The following SELENOF variants were observed in gnomAD, a reference collection of about 807,000 sequenced individuals.
The protein encoded by SELENOF is 15 kDa selenoprotein.
In SELENOF, 16 loss-of-function variants were observed where a neutral mutation model predicts 20.5. That is an observed-to-expected ratio of 0.78 (90% CI 0.53 to 1.19). SELENOF has a LOEUF of 1.19. Ranked by LOEUF, SELENOF falls within the 50% of genes most tolerant of loss-of-function variation. The probability of loss-of-function intolerance (pLI) is 0.00; values close to 1 mark genes in which losing one functional copy is unlikely to be tolerated. For synonymous variants in SELENOF, 78 were observed against 74.5 expected, an observed-to-expected ratio of 1.05 and a Z score of -0.24; for missense variants, 215 against 194.2, an observed-to-expected ratio of 1.11 and a Z score of -0.64.
At chr1:86,877,179 T>C (rs913869414) in intron 3 of SELENOF, among the ~76,000 whole-genome samples, 3 of 152,234 alleles carry the variant, frequency 2.0e-5, no homozygotes, top group Non-Finnish European at 4.4e-5. Context: ...TGATTTACTC[T>C]GTTTTTGGTG....
At chr1:86,898,582 T>C (rs1012427254) in intron 2 of SELENOF, among the ~76,000 whole-genome samples, 141 of 79,548 alleles carry the variant, frequency 1.8e-3, no homozygotes, top group African/African-American at 0.012. Flanking sequence ...CTCTTCTTCT[T>C]TTTTTTTTTT....
intron 2 of SELENOF, among the ~76,000 whole-genome samples, chr1:86,900,870 C>G (rs1659685743): frequency 6.6e-6 from 1 of 152,048 alleles, no homozygotes; most frequent in African/African-American, 2.4e-5. Context: ...CACGATGATT[C>G]CACACACACA....
intron 2 of SELENOF, among the ~76,000 whole-genome samples, chr1:86,889,677 C>T (rs748929730): frequency 8.5e-4 from 130 of 152,258 alleles, no homozygotes; most frequent in Non-Finnish European, 1.2e-3. Flanking sequence ...TCTGTTGCTG[C>T]CCCTTCTCCC....
chr1:86,896,330 T>C (rs1186449467), intron 2 of SELENOF, among the ~76,000 whole-genome samples: 2 of 152,054 alleles, frequency 1.3e-5, no homozygotes, highest in Non-Finnish European at 2.9e-5. Context: ...CTGAAATCAT[T>C]ATTAAGAACC....
At chr1:86,909,858 A>G (rs1196110982) in intron 1 of SELENOF, among the ~76,000 whole-genome samples, 1 of 152,154 alleles carries the variant, frequency 6.6e-6, no homozygotes. Context: ...ACAAAAAATT[A>G]GCTGGGCGTG....
At chr1:86,876,100 A>G (rs1359321235) in intron 3 of SELENOF, among the ~76,000 whole-genome samples, 1 of 151,402 alleles carries the variant, frequency 6.6e-6, no homozygotes, top group Non-Finnish European at 1.5e-5. Context: ...GAAGTAAGAA[A>G]AGGGAAAAGA....
intron 4 of SELENOF, among the ~76,000 whole-genome samples, chr1:86,864,093 G>C (rs1170945505): frequency 6.6e-6 from 1 of 152,182 alleles, no homozygotes; most frequent in Admixed American, 6.5e-5. Context: ...TTGAATGGAG[G>C]CAGACAAGTT....
intron 3 of SELENOF, among the ~76,000 whole-genome samples, chr1:86,879,820 T>C (rs1489729112): frequency 1.3e-5 from 2 of 152,200 alleles, no homozygotes; most frequent in African/African-American, 4.8e-5. Context: ...CCAAAGAATA[T>C]ACCTTCACAA....
At position 86,862,478 on chromosome 1, in the gene SELENOF, T is replaced by G. The variant is rs1465503618; in HGVS notation, c.*996A>C. ...AGAAAAATCATTTTTAATATAAAAA[T>G]TCTATATCAAGAGATATTCCTTAAA... On this transcript the variant is annotated 3_prime_UTR_variant, in exon 5 of 5. Transcript: ENST00000331835. 3 of 152,152 alleles carry G rather than the reference T, an allele frequency of 2.0e-5. No individual in the cohort carries two copies. The highest frequency in any genetic ancestry group is 7.2e-5 in the African/African-American group (3 of 41,452). The allele number at this position is 152,152 out of a possible 1,614,324, so 9.4% of individuals were successfully genotyped here. A position where few individuals can be genotyped will look rare whatever the true frequency, so the allele number is the denominator to read the frequency against.
At chr1:86,878,550 C>T (rs554452068) in intron 3 of SELENOF, among the ~76,000 whole-genome samples, 6 of 152,150 alleles carry the variant, frequency 3.9e-5, no homozygotes, top group East Asian at 1.9e-4. Flanking sequence ...GGTGTGGTGG[C>T]GTGCGCCTGT....
At chr1:86,871,531 G>T (rs1231733541) in intron 3 of SELENOF, among the ~76,000 whole-genome samples, 2 of 152,088 alleles carry the variant, frequency 1.3e-5, no homozygotes, top group Non-Finnish European at 2.9e-5. Context: ...TTTTACTGAA[G>T]AAAGTAAACT....
At chr1:86,870,222 A>G (rs760312973) in intron 3 of SELENOF, among the ~76,000 whole-genome samples, 2 of 152,240 alleles carry the variant, frequency 1.3e-5, no homozygotes, top group South Asian at 2.1e-4. Context: ...CAATAGCACT[A>G]TAGATTTGCT....
At chr1:86,876,249 C>T (rs561438169) in intron 3 of SELENOF, among the ~76,000 whole-genome samples, 76 of 152,170 alleles carry the variant, frequency 5.0e-4, no homozygotes, top group African/African-American at 1.7e-3. Flanking sequence ...CTGGATATAA[C>T]GTGTGAAAGA....
intron 2 of SELENOF, among the ~76,000 whole-genome samples, chr1:86,895,310 T>C (rs1328156094): frequency 6.6e-6 from 1 of 152,226 alleles, no homozygotes; most frequent in African/African-American, 2.4e-5. Flanking sequence ...CATGCTATTC[T>C]GAGTTCTCCA....
At chr1:86,900,557 C>G (rs907758633) in intron 2 of SELENOF, among the ~76,000 whole-genome samples, 1 of 151,750 alleles carries the variant, frequency 6.6e-6, no homozygotes, top group Admixed American at 6.6e-5. Flanking sequence ...AGCTTCGGCT[C>G]GGCATCAGAG....
At position 86,880,729 on chromosome 1, in the gene SELENOF, CA is replaced by C; in HGVS notation, c.253-5del. ...CAAGAATAGCTCCTGCATACAGCTACAAAAGGAAAAACAGGAATTTAAAAAA... is the reference window on the plus strand; with the variant it reads ...CAAGAATAGCTCCTGCATACAGCTACAAAGGAAAAACAGGAATTTAAAAAA... On this transcript the variant is annotated splice_polypyrimidine_tract_variant and splice_region_variant and intron_variant, in intron 2 of 4. Transcript: ENST00000331835. 6.4e-7 allele frequency: 1 copy of C among 1,550,514 alleles called. No homozygotes were observed. Among genetic ancestry groups the C allele is most frequent in the Non-Finnish European group, 8.7e-7 (1 of 1,149,116 alleles).
chr1:86,904,886 C>CA (rs1191010467), intron 1 of SELENOF, among the ~76,000 whole-genome samples: 7 of 152,182 alleles, frequency 4.6e-5, no homozygotes, highest in African/African-American at 1.7e-4. Context: ...CTTAGCTTTA[C>CA]ATGCCTTCTA....
At chr1:86,865,241 A>C (rs1438500349) in intron 4 of SELENOF, among the ~76,000 whole-genome samples, 1 of 151,330 alleles carries the variant, frequency 6.6e-6, no homozygotes, top group Non-Finnish European at 1.5e-5. Context: ...AACAAACAAA[A>C]AACCTCAATT....
chr1:86,909,689 A>AT (rs1165898627), intron 1 of SELENOF, among the ~76,000 whole-genome samples: 1 of 152,166 alleles, frequency 6.6e-6, no homozygotes, highest in African/African-American at 2.4e-5. Context: ...GACCATGTGG[A>AT]TTTGTGTAAT....
Sources: allele counts gnomAD v4.1 joint callset (sites outside exome capture counted in the v4.1 genomes callset), GRCh38; gene constraint gnomAD v4.1.1; transcripts MANE v1.5; gene names NCBI Gene and HGNC (gene_info 2026-07-23, HGNC 2026-07-21).